SGCZ: variants seen among roughly 807,000 people sequenced by gnomAD.
The protein encoded by SGCZ is zeta-sarcoglycan.
A neutral mutation model predicts 41.3 loss-of-function variants in SGCZ; 40 were observed. That is an observed-to-expected ratio of 0.97 (90% CI 0.75 to 1.26). The LOEUF (loss-of-function observed/expected upper bound fraction) is 1.26, where lower values mean the gene tolerates loss of function less well. SGCZ is among the 50% of genes most tolerant of loss of function. The pLI, the probability that SGCZ is intolerant of heterozygous loss-of-function variation, is 0.00. For missense variants in SGCZ, 552 were observed against 369.8 expected (o/e 1.49, Z -4.04); for synonymous variants, 206 against 137.5 (o/e 1.50, Z -3.49).
chr8:14,550,354 ATATT>A (rs964505390), intron 2 of SGCZ, among the ~76,000 whole-genome samples: 1 of 149,230 alleles, frequency 6.7e-6, no homozygotes, highest in Non-Finnish European at 1.5e-5. Flanking sequence ...AATTATATAA[ATATT>A]TATTTTATAT....
At chr8:14,727,540 T>C (rs974765791) in intron 1 of SGCZ, among the ~76,000 whole-genome samples, 7 of 151,198 alleles carry the variant, frequency 4.6e-5, no homozygotes, top group African/African-American at 1.5e-4. Context: ...AGGTGGAGTC[T>C]CACTCTGTTG....
intron 2 of SGCZ, among the ~76,000 whole-genome samples, chr8:14,425,859 TA>T (rs1274440078): frequency 6.6e-5 from 10 of 151,940 alleles, no homozygotes; most frequent in Middle Eastern, 3.4e-3. Flanking sequence ...ATAACAAAAC[TA>T]AAAAAGATAT....
At chr8:15,013,342 T>C (rs1802907992) in intron 1 of SGCZ, among the ~76,000 whole-genome samples, 1 of 152,204 alleles carries the variant, frequency 6.6e-6, no homozygotes, top group Non-Finnish European at 1.5e-5. Flanking sequence ...ATAAAGTTGT[T>C]ATGGATGGAA....
At chr8:14,645,102 G>A (rs1405103130) in intron 1 of SGCZ, among the ~76,000 whole-genome samples, 1 of 151,518 alleles carries the variant, frequency 6.6e-6, no homozygotes, top group Non-Finnish European at 1.5e-5. Context: ...GGGCATAAAA[G>A]TTTGAAAACC....
intron 1 of SGCZ, among the ~76,000 whole-genome samples, chr8:14,601,923 A>T (rs1805601299): frequency 6.6e-6 from 1 of 152,118 alleles, no homozygotes; most frequent in Non-Finnish European, 1.5e-5. Context: ...GATCGAGACC[A>T]TCCGGGCTAA....
At position 14,621,253 on chromosome 8, in the gene SGCZ, C is replaced by G. The variant is rs1806275069; in HGVS notation, c.40-66327G>C. 4.0e-5 allele frequency among the ~76,000 whole-genome samples: 5 copies of G among 126,442 alleles called. No individual in the cohort carries two copies. In the South Asian group the frequency reaches 1.2e-3, roughly 31 times the overall value. 83.0% of individuals were successfully genotyped at this position (126,442 alleles called of 152,430 possible). On this transcript the variant is annotated intron_variant, in intron 1 of 7. Transcript: ENST00000382080. ...ATTGAACAATGAGAACACTTGGACA[C>G]AGGAAGGGGAACATCACACACTGGG...
chr8:14,147,023 G>T (rs1270680535), intron 5 of SGCZ, among the ~76,000 whole-genome samples: 1 of 151,248 alleles, frequency 6.6e-6, no homozygotes, highest in East Asian at 1.9e-4. Context: ...AGTTTTCTTC[G>T]TATCAGTGTT....
At chr8:14,610,185 C>T (rs1405593172) in intron 1 of SGCZ, among the ~76,000 whole-genome samples, 2 of 151,992 alleles carry the variant, frequency 1.3e-5, no homozygotes, top group African/African-American at 2.4e-5. Context: ...ATAAGTGGCC[C>T]CAACCTATAT....
At chr8:14,133,243 C>T (rs371595921) in intron 5 of SGCZ, among the ~76,000 whole-genome samples, 18 of 152,306 alleles carry the variant, frequency 1.2e-4, no homozygotes, top group Non-Finnish European at 2.1e-4. Flanking sequence ...TGATTCTGAA[C>T]GTCCCAATTT....
At chr8:15,100,394 G>A (rs1389528730) in intron 1 of SGCZ, among the ~76,000 whole-genome samples, 1 of 152,016 alleles carries the variant, frequency 6.6e-6, no homozygotes, top group Non-Finnish European at 1.5e-5. Context: ...TAAATCTAAT[G>A]CAATATGTAT....
chr8:14,617,911 G>A (rs1165776465), intron 1 of SGCZ, among the ~76,000 whole-genome samples: 1 of 151,338 alleles, frequency 6.6e-6, no homozygotes, highest in Non-Finnish European at 1.5e-5. Flanking sequence ...CACAGATGTG[G>A]ATTTATTTCA....
At chr8:14,381,803 C>T (rs1031447040) in intron 2 of SGCZ, among the ~76,000 whole-genome samples, 1 of 151,496 alleles carries the variant, frequency 6.6e-6, no homozygotes, top group Non-Finnish European at 1.5e-5. Context: ...AAACAAAAAA[C>T]AAAAAACAAA....
intron 2 of SGCZ, among the ~76,000 whole-genome samples, chr8:14,379,844 G>C (rs1036319804): frequency 6.6e-6 from 1 of 152,024 alleles, no homozygotes; most frequent in Non-Finnish European, 1.5e-5. Flanking sequence ...TGATTCTCCT[G>C]CCTCAGCCTC....
intron 1 of SGCZ, among the ~76,000 whole-genome samples, chr8:14,970,171 C>G (rs1010769818): frequency 6.6e-6 from 1 of 152,078 alleles, no homozygotes; most frequent in African/African-American, 2.4e-5. Flanking sequence ...AAGCTTGCTT[C>G]CCATTCATAT....
At chr8:15,097,916 G>GTGTATA (rs762162344) in intron 1 of SGCZ, among the ~76,000 whole-genome samples, 4 of 79,988 alleles carry the variant, frequency 5.0e-5, no homozygotes, top group South Asian at 8.8e-4. Flanking sequence ...ATATACGTGT[G>GTGTATA]TATATATATA....
intron 1 of SGCZ, among the ~76,000 whole-genome samples, chr8:15,114,088 A>G (rs1187196388): frequency 1.3e-5 from 2 of 152,200 alleles, no homozygotes; most frequent in Non-Finnish European, 2.9e-5. Flanking sequence ...TAAATTTGAC[A>G]TTTAATTTGC....
intron 1 of SGCZ, among the ~76,000 whole-genome samples, chr8:14,677,287 C>G (rs1808308053): frequency 6.6e-6 from 1 of 151,944 alleles, no homozygotes; most frequent in Admixed American, 6.6e-5. Context: ...TTATAAGACT[C>G]TGATCAAAGA....
At chr8:14,900,836 G>A (rs981343573) in intron 1 of SGCZ, among the ~76,000 whole-genome samples, 2 of 152,074 alleles carry the variant, frequency 1.3e-5, no homozygotes, top group Non-Finnish European at 2.9e-5. Flanking sequence ...CTTAAAAACA[G>A]GCATTTCCCA....
chr8:14,836,865 G>T (rs1802718060), intron 1 of SGCZ, among the ~76,000 whole-genome samples: 1 of 152,040 alleles, frequency 6.6e-6, no homozygotes, highest in Non-Finnish European at 1.5e-5. Context: ...ATATCTTATG[G>T]CTACTACTTT....
Sources: allele counts gnomAD v4.1 joint callset (sites outside exome capture counted in the v4.1 genomes callset), GRCh38; gene constraint gnomAD v4.1.1; transcripts MANE v1.5; gene names NCBI Gene and HGNC (gene_info 2026-07-23, HGNC 2026-07-21).